The following CUX1 variants were observed in gnomAD, a reference collection of about 807,000 sequenced individuals.
The protein encoded by CUX1 is cut like homeobox 1, also known as protein CASP.
In CUX1, 31 loss-of-function variants were observed where a neutral mutation model predicts 158.8. That is an observed-to-expected ratio of 0.20 (90% confidence interval 0.15 to 0.26). The LOEUF (loss-of-function observed/expected upper bound fraction) is 0.26. Among genes scored for constraint, CUX1 ranks in the 10% least tolerant of loss-of-function variants. The pLI is 1.00. For missense variants in CUX1, 1,589 were observed against 2,014.6 expected (o/e 0.79, Z 4.04); for synonymous variants, 879 against 862.1 (o/e 1.02, Z -0.34).
At chr7:102,234,353 C>A in intron 22 of CUX1, 113 bp downstream of exon 22, 7 of 1,035,794 alleles carry the variant, frequency 6.8e-6, no homozygotes, top group Non-Finnish European at 8.9e-6. Flanking sequence ...ACCAAGGGAC[C>A]AGAGGACAGG....
chr7:101,913,557 G>C, intron 1 of CUX1: 2 of 327,774 alleles, frequency 6.1e-6, no homozygotes, highest in South Asian at 7.6e-5. Context: ...GGGGCCCACA[G>C]ACCCCCGGCT....
At chr7:102,124,249 G>T (rs1263375276) in intron 8 of CUX1, among the ~76,000 whole-genome samples, 1 of 152,208 alleles carries the variant, frequency 6.6e-6, no homozygotes, top group Non-Finnish European at 1.5e-5. Flanking sequence ...CCAAAATTGT[G>T]GGGGTCAGGG....
chr7:101,919,888 C>A (rs1327893741), intron 2 of CUX1, among the ~76,000 whole-genome samples: 5 of 152,096 alleles, frequency 3.3e-5, no homozygotes, highest in African/African-American at 1.2e-4. Context: ...GCGGGAGAAG[C>A]CACAGGAACA....
At chr7:102,260,249 A>C (rs1424488706), downstream of CUX1, among the ~76,000 whole-genome samples, 1 of 150,354 alleles carries the variant, frequency 6.7e-6, no homozygotes, top group Non-Finnish European at 1.5e-5. Context: ...GGTGTGCACC[A>C]CCACGCCTGG....
At position 102,256,315 on chromosome 7, in the gene CUX1, A is replaced by G. The variant is rs1789891099; in HGVS notation, c.*7273A>G. 25 of 970,734 alleles carry G rather than the reference A, an allele frequency of 2.6e-5. No individual in the cohort carries two copies. The South Asian group carries it at 4.8e-4, about 19-fold the overall frequency. 60.1% of individuals were successfully genotyped at this position (970,734 alleles called of 1,614,324 possible). A position where few individuals can be genotyped will look rare whatever the true frequency, so the allele number is the denominator to read the frequency against. On this transcript the variant is annotated 3_prime_UTR_variant, in exon 24 of 24. Coordinates refer to ENST00000292535, the MANE Select transcript of CUX1 (RefSeq NM_181552.4). Reference sequence around the variant, plus strand: ...GATTATAAAAGGATGTTTCCTTGAGAAAAAAAAAATTATTTCTATCCTCTT... The same window carrying G: ...GATTATAAAAGGATGTTTCCTTGAGGAAAAAAAAATTATTTCTATCCTCTT...
At position 102,256,813 on chromosome 7, in the gene CUX1, C is replaced by T. The variant is rs1789942653; in HGVS notation, c.*7771C>T. 2 of 985,310 alleles carry T rather than the reference C, an allele frequency of 2.0e-6. No homozygotes were observed. The highest frequency in any genetic ancestry group is 4.7e-5 in the South Asian group (1 of 21,294). The allele number at this position is 985,310 out of a possible 1,614,324, so 61.0% of individuals were successfully genotyped here. ...GCCTGGCCAAGACTTTACCTCCAAGCGAGAGAGTGATTTCTTGCAAGGCCC... is the reference window on the plus strand; with the variant it reads ...GCCTGGCCAAGACTTTACCTCCAAGTGAGAGAGTGATTTCTTGCAAGGCCC... On this transcript the variant is annotated 3_prime_UTR_variant, in exon 24 of 24. Coordinates refer to ENST00000292535, the MANE Select transcript of CUX1 (RefSeq NM_181552.4).
intron 4 of CUX1, among the ~76,000 whole-genome samples, chr7:102,084,484 C>T (rs1385937431): frequency 7.9e-6 from 1 of 126,740 alleles, no homozygotes; most frequent in African/African-American, 2.6e-5. Context: ...AGTGCAGTGG[C>T]ACAATCTTGG....
chr7:101,833,095 G>A (rs909185697), intron 1 of CUX1, among the ~76,000 whole-genome samples: 1 of 152,088 alleles, frequency 6.6e-6, no homozygotes, highest in Non-Finnish European at 1.5e-5. Context: ...TGAACGTGAA[G>A]CGTTCAAGGA....
At chr7:101,821,788 C>T (rs1792624908) in intron 1 of CUX1, among the ~76,000 whole-genome samples, 1 of 140,794 alleles carries the variant, frequency 7.1e-6, no homozygotes, top group Non-Finnish European at 1.5e-5. Flanking sequence ...CATTCTCCTT[C>T]CTTAGTCTCC....
chr7:102,180,314 C>CTT (rs782269252), intron 11 of CUX1, among the ~76,000 whole-genome samples: 3,027 of 127,726 alleles, frequency 0.024, 128 homozygotes, highest in African/African-American at 0.082. Context: ...GAGCCACTGC[C>CTT]TTTTTTTTTT....
intron 4 of CUX1, among the ~76,000 whole-genome samples, chr7:102,075,664 G>A (rs1826627792): frequency 1.3e-5 from 2 of 152,154 alleles, no homozygotes; most frequent in Non-Finnish European, 2.9e-5. Flanking sequence ...CCACCCTCCC[G>A]AGGTTGAAGC....
chr7:102,248,996 T>C lies in CUX1; in HGVS notation c.4472T>C (p.Leu1491Pro). Residue 1491 changes from leucine to proline, a missense_variant, in exon 24 of 24, where the codon CTG (leucine) becomes CCG (proline). Leu to Pro is a moderately conservative substitution (Grantham distance 98). Transcript: ENST00000292535. The surrounding 1 kb of genome is among the most constrained non-coding windows in gnomAD (Gnocchi z 5.8). ...AACTTGAACAGCATCATCCACCGCC[T>C]GGAGAAGGCCGCCAGCCGGGAGGAA... ...AANLNSIIHR[L>P]EKAASREEPI... is the part of the protein sequence containing the mutation. 1 of 1,413,024 alleles carries C rather than the reference T, an allele frequency of 7.1e-7. No homozygotes were observed. The highest frequency in any genetic ancestry group is 9.3e-7 in the Non-Finnish European group (1 of 1,072,446). The allele number at this position is 1,413,024 out of a possible 1,614,324, so 87.5% of individuals were successfully genotyped here. A position where few individuals can be genotyped will look rare whatever the true frequency, so the allele number is the denominator to read the frequency against.
intron 8 of CUX1, among the ~76,000 whole-genome samples, chr7:102,148,533 A>T (rs1835252820): frequency 6.6e-6 from 1 of 151,936 alleles, no homozygotes; most frequent in Admixed American, 6.6e-5. Flanking sequence ...ACAGACCAAG[A>T]CTCCGTATCA....
intron 5 of CUX1, among the ~76,000 whole-genome samples, chr7:102,099,058 GTGA>G (rs1448211463): frequency 1.3e-5 from 2 of 152,120 alleles, no homozygotes; most frequent in Admixed American, 1.3e-4. Context: ...GAAAGCATCT[GTGA>G]TGATGTGTGA....
chr7:102,227,851 C>T (rs181124786), intron 21 of CUX1, among the ~76,000 whole-genome samples, 182 bp downstream of exon 21: 89 of 152,208 alleles, frequency 5.8e-4, no homozygotes, highest in Middle Eastern at 6.8e-3. Context: ...GGTCAGTCCC[C>T]ACCTCCTCCC....
intron 11 of CUX1, among the ~76,000 whole-genome samples, chr7:102,187,661 G>A (rs1234458335): frequency 7.0e-6 from 1 of 143,264 alleles, no homozygotes; most frequent in African/African-American, 2.7e-5. Context: ...ACCACACCTG[G>A]CTAATTTTTT....
At chr7:102,144,883 C>T in intron 8 of CUX1, among the ~76,000 whole-genome samples, 1 of 151,452 alleles carries the variant, frequency 6.6e-6, no homozygotes, top group South Asian at 2.1e-4. Flanking sequence ...AGGTCAGGAG[C>T]TTGAAAACAG....
chr7:102,119,338 G>A (rs916705357), intron 8 of CUX1, among the ~76,000 whole-genome samples: 2 of 152,180 alleles, frequency 1.3e-5, no homozygotes, highest in African/African-American at 2.4e-5. Context: ...AGGCTGCTCC[G>A]AGACCCCGGT....
chr7:102,156,795 C>G (rs1789810958), intron 8 of CUX1, among the ~76,000 whole-genome samples: 1 of 152,236 alleles, frequency 6.6e-6, no homozygotes, highest in Non-Finnish European at 1.5e-5. Flanking sequence ...ATCCAGGACT[C>G]TGGCATCCAA....
Sources: allele counts gnomAD v4.1 joint callset (sites outside exome capture counted in the v4.1 genomes callset), GRCh38; gene constraint gnomAD v4.1.1; non-coding constraint Gnocchi (gnomAD v3.1); transcripts MANE v1.5; gene names NCBI Gene and HGNC (gene_info 2026-07-23, HGNC 2026-07-21).